SORCS3: variants seen among roughly 807,000 people sequenced by gnomAD.
SORCS3 encodes sortilin related VPS10 domain containing receptor 3.
Under a neutral mutation model 146.3 loss-of-function variants are expected in SORCS3, and 57 were observed. The ratio of observed to expected loss-of-function variants is 0.39; its 90% CI spans 0.31 to 0.49. The LOEUF is 0.49. Among genes scored for constraint, SORCS3 ranks in the 20% least tolerant of loss-of-function variants. The pLI is 0.92. For missense variants in SORCS3, 1,341 were observed against 1,575.5 expected, an observed-to-expected ratio of 0.85 and a Z score of 2.52; for synonymous variants, 653 against 618.5, an observed-to-expected ratio of 1.06 and a Z score of -0.83.
intron 1 of SORCS3, among the ~76,000 whole-genome samples, chr10:104,675,564 G>A (rs965608711): frequency 6.6e-6 from 1 of 152,106 alleles, no homozygotes; most frequent in Non-Finnish European, 1.5e-5. Flanking sequence ...TGTGTTGAGT[G>A]TCTGATGTGA....
chr10:104,747,893 A>T (rs1374679410), intron 1 of SORCS3, among the ~76,000 whole-genome samples: 1 of 152,162 alleles, frequency 6.6e-6, no homozygotes, highest in African/African-American at 2.4e-5. Flanking sequence ...CCTGGATCTA[A>T]CCCCTTGCTA....
intron 7 of SORCS3, 23 bp downstream of exon 7, chr10:105,105,538 G>A (rs2055814905): frequency 3.9e-6 from 6 of 1,527,558 alleles, no homozygotes; most frequent in Non-Finnish European, 4.5e-6. Context: ...AGTGCAGTTG[G>A]TGGTAGGAGG....
chr10:104,974,894 G>C (rs899051186), intron 3 of SORCS3, among the ~76,000 whole-genome samples: 1 of 152,068 alleles, frequency 6.6e-6, no homozygotes, highest in Non-Finnish European at 1.5e-5. Context: ...AGTCCTGGTG[G>C]TGACAAAATC....
At chr10:105,190,075 T>A (rs1175375737) in intron 14 of SORCS3, among the ~76,000 whole-genome samples, 1 of 152,182 alleles carries the variant, frequency 6.6e-6, no homozygotes. Context: ...GAGCTGGAGG[T>A]GAGAGCATCC....
At chr10:104,818,636 G>A (rs2017835766) in intron 1 of SORCS3, among the ~76,000 whole-genome samples, 1 of 152,098 alleles carries the variant, frequency 6.6e-6, no homozygotes, top group South Asian at 2.1e-4. Flanking sequence ...GTGCCTCCCT[G>A]TACTCTGAGC....
At chr10:104,673,389 G>C (rs1273956621) in intron 1 of SORCS3, among the ~76,000 whole-genome samples, 1 of 151,302 alleles carries the variant, frequency 6.6e-6, no homozygotes, top group East Asian at 1.9e-4. Flanking sequence ...ATTTTTTGTA[G>C]TAAAAAAATG....
chr10:105,047,030 G>GTT (rs143654389), intron 5 of SORCS3, among the ~76,000 whole-genome samples: 3 of 151,586 alleles, frequency 2.0e-5, no homozygotes, highest in African/African-American at 4.8e-5. Flanking sequence ...AAGCTTTTCT[G>GTT]TTTTTTTTAA....
At position 105,072,659 on chromosome 10, in the gene SORCS3, CTTTTTT is replaced by C. The variant is rs545305956; in HGVS notation, c.1029-17094_1029-17089del. Among the ~76,000 whole-genome samples the C allele has an allele frequency of 4.8e-4, 8 of 16,626 alleles. No individual in the cohort carries two copies. In the South Asian group the frequency reaches 8.1e-3, roughly 17 times the overall value. The allele number at this position is 16,626 out of a possible 152,430, so 10.9% of individuals were successfully genotyped here. ...ACCTTTTCTTTCTTTCTCTCTCTCT[CTTTTTT>C]TTTTTTTTTTTTTTTTTTTTTGGTG... On this transcript the variant is annotated intron_variant, in intron 5 of 26. Coordinates refer to ENST00000369701, the MANE Select transcript of SORCS3 (RefSeq NM_014978.3).
intron 2 of SORCS3, among the ~76,000 whole-genome samples, chr10:104,845,568 A>G (rs2018194342): frequency 6.6e-6 from 1 of 152,162 alleles, no homozygotes; most frequent in African/African-American, 2.4e-5. Flanking sequence ...CTTTGTTTTT[A>G]AGGATTCCTT....
intron 1 of SORCS3, among the ~76,000 whole-genome samples, chr10:104,761,020 G>A (rs963848801): frequency 3.3e-5 from 5 of 151,996 alleles, no homozygotes; most frequent in Non-Finnish European, 7.4e-5. Flanking sequence ...GGTGCTTAAG[G>A]ATAAGCTTCA....
At chr10:104,893,971 A>G (rs1039360676) in intron 2 of SORCS3, among the ~76,000 whole-genome samples, 1 of 152,070 alleles carries the variant, frequency 6.6e-6, no homozygotes, top group African/African-American at 2.4e-5. Flanking sequence ...TTGTTTAGCT[A>G]TGTCTACTCC....
intron 4 of SORCS3, among the ~76,000 whole-genome samples, chr10:105,007,646 C>A (rs1045789771): frequency 3.3e-5 from 5 of 151,970 alleles, no homozygotes; most frequent in African/African-American, 1.2e-4. Flanking sequence ...TTTTCTGAAC[C>A]CCCTCCCCCA....
chr10:105,181,705 G>C (rs1040325945), intron 14 of SORCS3, among the ~76,000 whole-genome samples: 1 of 152,156 alleles, frequency 6.6e-6, no homozygotes, highest in African/African-American at 2.4e-5. Flanking sequence ...GAACCATCTA[G>C]TCTAGCCAAA....
chr10:104,849,278 G>GGTGGGTGCCTGTAATCCCAGCTACTC (rs2018243585), intron 2 of SORCS3, among the ~76,000 whole-genome samples: 2 of 151,986 alleles, frequency 1.3e-5, no homozygotes, highest in Non-Finnish European at 2.9e-5. Context: ...TAGGCGTGGT[G>GGTGGGTGCCTGTAATCCCAGCTACTC]GTGGGTGCCT....
At chr10:105,146,731 A>G (rs791122) in intron 8 of SORCS3, among the ~76,000 whole-genome samples, 79,184 of 151,954 alleles carry the variant, frequency 0.52, 20,950 homozygotes, top group Middle Eastern at 0.56. Flanking sequence ...AAACAGATTG[A>G]TAAACTTCTG....
chr10:105,226,077 G>C (rs994496773), intron 20 of SORCS3, among the ~76,000 whole-genome samples: 9 of 151,426 alleles, frequency 5.9e-5, no homozygotes, highest in Non-Finnish European at 1.0e-4. Context: ...ACTCTGGTTA[G>C]GACTTCCGGT....
intron 1 of SORCS3, among the ~76,000 whole-genome samples, chr10:104,644,621 A>G (rs1323511572): frequency 2.0e-5 from 3 of 152,324 alleles, no homozygotes; most frequent in Middle Eastern, 3.4e-3. Context: ...TTCAAAGTGG[A>G]GGGAGATGTC....
At chr10:104,776,263 G>T (rs2017306634) in intron 1 of SORCS3, among the ~76,000 whole-genome samples, 1 of 152,088 alleles carries the variant, frequency 6.6e-6, no homozygotes, top group South Asian at 2.1e-4. Context: ...GAAGAAGCAA[G>T]CTCTGAGCTA....
intron 1 of SORCS3, among the ~76,000 whole-genome samples, chr10:104,743,223 G>A (rs899796661): frequency 2.4e-4 from 36 of 152,140 alleles, no homozygotes; most frequent in African/African-American, 8.2e-4. Context: ...TCCAGTAAGT[G>A]CCAGGTGTTT....
Sources: allele counts gnomAD v4.1 joint callset (sites outside exome capture counted in the v4.1 genomes callset), GRCh38; gene constraint gnomAD v4.1.1; transcripts MANE v1.5; gene names NCBI Gene and HGNC (gene_info 2026-07-23, HGNC 2026-07-21).